Variants in BTF3L4 observed in about 807,000 individuals in gnomAD.
BTF3L4 encodes transcription factor BTF3 homolog 4.
BTF3L4 carries 6 observed loss-of-function variants against 16.8 expected under a neutral mutation model. That is an observed-to-expected ratio of 0.36 (90% CI 0.20 to 0.71). BTF3L4 has a LOEUF of 0.71. Ranked by LOEUF, BTF3L4 falls within the 30% of genes least tolerant of loss-of-function variation. The pLI is 0.58. For synonymous variants in BTF3L4, 39 were observed against 59.8 expected (o/e 0.65, Z 1.60); for missense variants, 92 against 186.9 (o/e 0.49, Z 2.96).
chr1:52,088,152 C>A lies in BTF3L4; in HGVS notation c.*1394C>A, dbSNP rs1643988774. The A allele has an allele frequency of 6.6e-6, 1 of 152,572 alleles. No individual in the cohort carries two copies. Among genetic ancestry groups the A allele is most frequent in the Non-Finnish European group, 1.5e-5 (1 of 68,040 alleles). 9.5% of individuals were successfully genotyped at this position (152,572 alleles called of 1,614,324 possible). ...GAAAATATATCATTTCCTGGCCCAT[C>A]ATCAAACTAATACAGCTTAACCTTG... is the stretch of plus-strand genomic sequence containing the variant. On this transcript the variant is annotated 3_prime_UTR_variant, in exon 6 of 6. Coordinates refer to ENST00000313334, the MANE Select transcript of BTF3L4 (RefSeq NM_152265.5).
At chr1:52,079,381 C>CAAAAAAAA (rs11441352) in intron 3 of BTF3L4, among the ~76,000 whole-genome samples, 1 of 126,342 alleles carries the variant, frequency 7.9e-6, no homozygotes. Flanking sequence ...GACTCCATCT[C>CAAAAAAAA]AAAAAAAAAA....
rs183307475 is a variant in BTF3L4 at position 52,061,503 on chromosome 1, A to G, written c.54+1602A>G. ...ACTCCGTCTCAAAAAAAAAAAAAAAAAAAGAAATAGGTAAGAGGGTTCATG... is the reference window on the plus strand; with the variant it reads ...ACTCCGTCTCAAAAAAAAAAAAAAAGAAAGAAATAGGTAAGAGGGTTCATG... On this transcript the variant is annotated intron_variant, in intron 2 of 5. Coordinates refer to ENST00000313334, the MANE Select transcript of BTF3L4 (RefSeq NM_152265.5). 4.8e-3 allele frequency among the ~76,000 whole-genome samples: 726 copies of G among 151,838 alleles called. 14 individuals carry two copies. The South Asian group carries it at 0.053, about 11-fold the overall frequency.
At chr1:52,067,680 A>G (rs1686689723) in intron 3 of BTF3L4, among the ~76,000 whole-genome samples, 1 of 152,210 alleles carries the variant, frequency 6.6e-6, no homozygotes, top group Non-Finnish European at 1.5e-5. Flanking sequence ...AATAATACAC[A>G]TGAATTCTGA....
chr1:52,076,951 C>T (rs1686949943), intron 3 of BTF3L4, among the ~76,000 whole-genome samples: 1 of 152,176 alleles, frequency 6.6e-6, no homozygotes, highest in Non-Finnish European at 1.5e-5. Context: ...GCAGGAGGAT[C>T]ACTTAGGGCC....
At chr1:52,067,163 G>A (rs1038980286) in intron 3 of BTF3L4, among the ~76,000 whole-genome samples, 1 of 152,168 alleles carries the variant, frequency 6.6e-6, no homozygotes, top group Non-Finnish European at 1.5e-5. Context: ...TTGAACCCAG[G>A]AGGCAGAGGT....
rs146558821 is a variant in BTF3L4 at position 52,059,083 on chromosome 1, C to CA, written c.-13-750dup. The stretch of plus-strand genomic sequence containing the variant: ...TAGGAGTCTCCTCTCTGCCCCCCCC[C>CA]AACATTTATTACTGTAGCAAAGATA... On this transcript the variant is annotated intron_variant, in intron 1 of 5. Coordinates refer to ENST00000313334, the MANE Select transcript of BTF3L4 (RefSeq NM_152265.5). 3.9e-4 allele frequency among the ~76,000 whole-genome samples: 60 copies of CA among 152,016 alleles called. 1 individual carries two copies. The East Asian group carries it at 7.1e-3, about 18-fold the overall frequency.
intron 3 of BTF3L4, among the ~76,000 whole-genome samples, chr1:52,075,516 C>T (rs1318859142): frequency 1.6e-4 from 21 of 128,974 alleles, no homozygotes; most frequent in Non-Finnish European, 1.3e-4. Flanking sequence ...CAGAGTGAGA[C>T]TACGTCTAAA....
chr1:52,083,707 G>C, intron 4 of BTF3L4, among the ~76,000 whole-genome samples, 166 bp downstream of exon 4: 1 of 152,082 alleles, frequency 6.6e-6, no homozygotes, highest in East Asian at 1.9e-4. Context: ...TAATGATTAT[G>C]TAGTGTGACA....
At chr1:52,069,854 A>G (rs1055922965) in intron 3 of BTF3L4, among the ~76,000 whole-genome samples, 1 of 152,200 alleles carries the variant, frequency 6.6e-6, no homozygotes, top group African/African-American at 2.4e-5. Context: ...CATTAGTACT[A>G]TCCAAGCTAT....
At chr1:52,086,084 G>T in intron 4 of BTF3L4, 28 bp from the exon 5 acceptor site, 1 of 1,505,138 alleles carries the variant, frequency 6.6e-7, no homozygotes, top group South Asian at 1.2e-5. Context: ...TGTTCTCAAT[G>T]ACTAATATTA....
chr1:52,072,087 C>T (rs1385833877), intron 3 of BTF3L4, among the ~76,000 whole-genome samples: 4 of 149,562 alleles, frequency 2.7e-5, no homozygotes, highest in South Asian at 4.2e-4. Flanking sequence ...TGCAGTCTCG[C>T]TCTTTTGCCC....
intron 2 of BTF3L4, among the ~76,000 whole-genome samples, chr1:52,063,410 C>A (rs1213960611): frequency 6.6e-6 from 1 of 152,150 alleles, no homozygotes; most frequent in Non-Finnish European, 1.5e-5. Flanking sequence ...AATAGTCAGT[C>A]CTTCAGCAAC....
chr1:52,072,135 A>G (rs912963474), intron 3 of BTF3L4, among the ~76,000 whole-genome samples: 2 of 151,122 alleles, frequency 1.3e-5, no homozygotes, highest in African/African-American at 4.9e-5. Flanking sequence ...GCTCACTGCA[A>G]GCTCCGCCTC....
intron 1 of BTF3L4, among the ~76,000 whole-genome samples, chr1:52,056,831 C>G (rs552120119): frequency 1.3e-3 from 192 of 152,350 alleles, no homozygotes; most frequent in Non-Finnish European, 2.2e-3. Context: ...GCACTCTTCA[C>G]CTTGTAATGG....
chr1:52,078,458 C>T (rs187109133), intron 3 of BTF3L4, among the ~76,000 whole-genome samples: 8 of 152,082 alleles, frequency 5.3e-5, no homozygotes, highest in African/African-American at 1.2e-4. Context: ...AATACTATGT[C>T]GAATAAGGCA....
At chr1:52,068,998 AT>A (rs1686719216) in intron 3 of BTF3L4, among the ~76,000 whole-genome samples, 1 of 152,134 alleles carries the variant, frequency 6.6e-6, no homozygotes, top group South Asian at 2.1e-4. Context: ...TTTTGTTAAT[AT>A]TGCCACTGCA....
chr1:52,077,991 G>A (rs1480870497), intron 3 of BTF3L4, among the ~76,000 whole-genome samples: 2 of 152,164 alleles, frequency 1.3e-5, no homozygotes, highest in Non-Finnish European at 2.9e-5. Context: ...CTTCGTTGGA[G>A]GCACTGCTGG....
At chr1:52,058,767 A>C (rs1686437767) in intron 1 of BTF3L4, among the ~76,000 whole-genome samples, 1 of 152,022 alleles carries the variant, frequency 6.6e-6, no homozygotes, top group Non-Finnish European at 1.5e-5. Context: ...ACGCCCGGCT[A>C]ATTTTGTATT....
chr1:52,078,625 G>A (rs1686990836), intron 3 of BTF3L4, among the ~76,000 whole-genome samples: 1 of 152,116 alleles, frequency 6.6e-6, no homozygotes, highest in Admixed American at 6.6e-5. Flanking sequence ...GGATAAATGG[G>A]AATGTGCAAG....
Sources: gnomAD v4.1 joint callset for allele counts (sites outside exome capture counted in the v4.1 genomes callset) on GRCh38, gnomAD v4.1.1 for gene constraint, MANE v1.5 for transcripts, NCBI Gene and HGNC (gene_info 2026-07-23, HGNC 2026-07-21) for gene names.